The following KCNN2 variants were observed in gnomAD, a reference collection of about 807,000 sequenced individuals.
The protein encoded by KCNN2 is potassium calcium-activated channel subfamily N member 2.
KCNN2 carries 24 observed loss-of-function variants against 55.5 expected under a neutral mutation model. The observed-to-expected ratio is 0.43, with a 90% confidence interval of 0.31 to 0.61. The LOEUF (loss-of-function observed/expected upper bound fraction) is 0.61. Ranked by LOEUF, KCNN2 falls within the 20% of genes least tolerant of loss-of-function variation. KCNN2 has a pLI of 0.08. For missense variants in KCNN2, 754 were observed against 853.6 expected (o/e 0.88, Z 1.45); for synonymous variants, 431 against 336.1 (o/e 1.28, Z -3.09).
chr5:114,452,170 C>T (rs2150105536), intron 3 of KCNN2, among the ~76,000 whole-genome samples: 1 of 152,156 alleles, frequency 6.6e-6, no homozygotes, highest in South Asian at 2.1e-4. Context: ...TAAATTAGTT[C>T]CAGAGAGAGT....
At chr5:114,196,362 T>C (rs1221501643) in intron 1 of KCNN2, among the ~76,000 whole-genome samples, 1 of 152,082 alleles carries the variant, frequency 6.6e-6, no homozygotes, top group Non-Finnish European at 1.5e-5. Flanking sequence ...ATCAGGATAA[T>C]ACCAACATCA....
chr5:114,316,870 T>C (rs1756511617), intron 2 of KCNN2, among the ~76,000 whole-genome samples: 1 of 152,096 alleles, frequency 6.6e-6, no homozygotes, highest in South Asian at 2.1e-4. Context: ...CATACCTGAG[T>C]CCACATGCAC....
At chr5:114,388,232 TTCTA>T (rs1190805531) in intron 2 of KCNN2, among the ~76,000 whole-genome samples, 2 of 152,222 alleles carry the variant, frequency 1.3e-5, no homozygotes, top group Non-Finnish European at 2.9e-5. Context: ...TTTTCACTGC[TTCTA>T]TCTTTCTCCT....
rs1488501046 is a variant in KCNN2, at chr5:114,493,571, C to T, written c.2088+99C>T. On this transcript the variant is annotated intron_variant, in intron 7 of 7. Coordinates refer to ENST00000673685, the MANE Select transcript of KCNN2 (RefSeq NM_021614.4). Reference sequence around the variant, plus strand: ...GTTTCAAGAGGATCCCAACCCAAATCTAATTAATAAATCAAACCAGCAAAG... The same window carrying T: ...GTTTCAAGAGGATCCCAACCCAAATTTAATTAATAAATCAAACCAGCAAAG... The T allele has an allele frequency of 4.9e-6, 4 of 809,636 alleles. No individual in the cohort carries two copies. The East Asian group carries it at 7.6e-5, about 15-fold the overall frequency. 50.2% of individuals were successfully genotyped at this position (809,636 alleles called of 1,614,324 possible). A position where few individuals can be genotyped will look rare whatever the true frequency, so the allele number is the denominator to read the frequency against.
intron 1 of KCNN2, among the ~76,000 whole-genome samples, chr5:114,163,625 G>A (rs111951923): frequency 6.6e-6 from 1 of 152,090 alleles, no homozygotes; most frequent in Non-Finnish European, 1.5e-5. Context: ...TGCTTTCACT[G>A]TTGTTGCCCC....
intron 2 of KCNN2, among the ~76,000 whole-genome samples, chr5:114,380,430 A>G (rs1758082755): frequency 6.6e-6 from 1 of 152,216 alleles, no homozygotes; most frequent in Non-Finnish European, 1.5e-5. Context: ...AGTTCAATAC[A>G]GAGCTACAGA....
At chr5:114,205,500 CAGAAT>C (rs964303460) in intron 1 of KCNN2, among the ~76,000 whole-genome samples, 1 of 152,056 alleles carries the variant, frequency 6.6e-6, no homozygotes, top group Admixed American at 6.5e-5. Flanking sequence ...ACCTATAAAA[CAGAAT>C]AGAAGTGCGA....
intron 2 of KCNN2, among the ~76,000 whole-genome samples, chr5:114,230,051 C>G (rs1250371946): frequency 6.6e-6 from 1 of 152,060 alleles, no homozygotes; most frequent in Non-Finnish European, 1.5e-5. Flanking sequence ...CTCAAACACA[C>G]AATAGAAGTT....
intron 2 of KCNN2, among the ~76,000 whole-genome samples, chr5:114,308,168 T>G (rs939890376): frequency 6.6e-6 from 1 of 152,178 alleles, no homozygotes; most frequent in African/African-American, 2.4e-5. Flanking sequence ...TGCCACCACA[T>G]GCTGGGGATT....
chr5:114,237,767 C>T (rs1306017171), intron 2 of KCNN2, among the ~76,000 whole-genome samples: 1 of 152,208 alleles, frequency 6.6e-6, no homozygotes, highest in Admixed American at 6.5e-5. Flanking sequence ...TGATTAAAGC[C>T]CCAAATCTCA....
At chr5:114,109,344 T>G (rs1751548965) in intron 1 of KCNN2, among the ~76,000 whole-genome samples, 1 of 152,080 alleles carries the variant, frequency 6.6e-6, no homozygotes. Flanking sequence ...CCATCTTATG[T>G]AACATACTCA....
At chr5:114,168,973 C>G (rs796698511) in intron 1 of KCNN2, among the ~76,000 whole-genome samples, 1 of 152,094 alleles carries the variant, frequency 6.6e-6, no homozygotes, top group African/African-American at 2.4e-5. Context: ...GGGACAGATT[C>G]TGCCCTTGCT....
chr5:114,181,585 A>T (rs988145897), intron 1 of KCNN2, among the ~76,000 whole-genome samples: 1 of 152,156 alleles, frequency 6.6e-6, no homozygotes, highest in Non-Finnish European at 1.5e-5. Flanking sequence ...TTAAATTTTA[A>T]TAAAGTCTAA....
At chr5:114,291,065 T>A (rs1755876798) in intron 2 of KCNN2, among the ~76,000 whole-genome samples, 1 of 152,048 alleles carries the variant, frequency 6.6e-6, no homozygotes, top group Non-Finnish European at 1.5e-5. Flanking sequence ...TGTGTTTTTG[T>A]GCATGAAATA....
chr5:114,356,851 G>A (rs1279727809), intron 2 of KCNN2, among the ~76,000 whole-genome samples: 1 of 151,968 alleles, frequency 6.6e-6, no homozygotes, highest in Non-Finnish European at 1.5e-5. Flanking sequence ...TGTTTTTAGG[G>A]CCTTTTAATT....
intron 4 of KCNN2, among the ~76,000 whole-genome samples, chr5:114,471,966 T>G (rs1561405241): frequency 6.6e-6 from 1 of 152,214 alleles, no homozygotes; most frequent in Non-Finnish European, 1.5e-5. Context: ...ATCTACTTTC[T>G]GTGCCTCTGT....
chr5:114,283,805 A>G (rs920494659), intron 2 of KCNN2, among the ~76,000 whole-genome samples: 3 of 152,324 alleles, frequency 2.0e-5, no homozygotes, highest in Non-Finnish European at 2.9e-5. Flanking sequence ...AGCTACCTAG[A>G]TGATCTGCCA....
chr5:114,486,694 G>A, intron 5 of KCNN2: 1 of 1,273,148 alleles, frequency 7.9e-7, no homozygotes, highest in Non-Finnish European at 1.0e-6. Flanking sequence ...TTGTCTTTCT[G>A]CAGGGAAAGG....
At chr5:114,253,431 G>A (rs940486979) in intron 2 of KCNN2, 1 of 152,148 alleles carries the variant, frequency 6.6e-6, no homozygotes, top group Non-Finnish European at 1.5e-5. Flanking sequence ...CTCACGTAAA[G>A]TTCCCAGAAA....
Sources: allele counts gnomAD v4.1 joint callset (sites outside exome capture counted in the v4.1 genomes callset), GRCh38; gene constraint gnomAD v4.1.1; transcripts MANE v1.5; gene names NCBI Gene and HGNC (gene_info 2026-07-23, HGNC 2026-07-21).